The following CSMD3 variants were observed in gnomAD, a reference collection of about 807,000 sequenced individuals.
The protein encoded by CSMD3 is CUB and Sushi multiple domains 3.
In CSMD3, 177 loss-of-function variants were observed where a neutral mutation model predicts 435.2. That is an observed-to-expected ratio of 0.41 (90% CI 0.36 to 0.46). The LOEUF (loss-of-function observed/expected upper bound fraction) is 0.46. Ranked by LOEUF, CSMD3 falls within the 20% of genes least tolerant of loss-of-function variation. CSMD3 has a pLI of 0.34. For missense variants in CSMD3, 4,265 were observed against 4,504.6 expected (o/e 0.95, Z 1.52); for synonymous variants, 1,656 against 1,520.5 (o/e 1.09, Z -2.07).
At chr8:112,845,958 AG>A (rs2080305879) in intron 11 of CSMD3, among the ~76,000 whole-genome samples, 1 of 152,014 alleles carries the variant, frequency 6.6e-6, no homozygotes, top group African/African-American at 2.4e-5. Flanking sequence ...CTGGAAACGT[AG>A]GGGGAAATTC....
At chr8:113,057,451 C>T (rs1426112438) in intron 5 of CSMD3, among the ~76,000 whole-genome samples, 2 of 152,004 alleles carry the variant, frequency 1.3e-5, no homozygotes, top group African/African-American at 4.8e-5. Flanking sequence ...AAGAATGTAT[C>T]TCTATCAGGG....
At chr8:113,376,676 T>G in intron 1 of CSMD3, 2 of 1,597,890 alleles carry the variant, frequency 1.3e-6, no homozygotes, top group Non-Finnish European at 1.7e-6. Flanking sequence ...ATCATGGGAG[T>G]TGACACCCGC....
At chr8:112,235,813 C>A (rs1235395735) in intron 67 of CSMD3, among the ~76,000 whole-genome samples, 1 of 151,982 alleles carries the variant, frequency 6.6e-6, no homozygotes, top group African/African-American at 2.4e-5. Context: ...AAAATTGCTA[C>A]AATTGGTTTA....
chr8:113,319,461 C>A (rs915067016), intron 1 of CSMD3, among the ~76,000 whole-genome samples: 1 of 151,918 alleles, frequency 6.6e-6, no homozygotes, highest in Non-Finnish European at 1.5e-5. Context: ...GATATATTAA[C>A]CCCTTAACAA....
intron 38 of CSMD3, 76 bp downstream of exon 38, chr8:112,380,268 AATATGTAC>A (rs1269860820): frequency 6.6e-6 from 5 of 753,066 alleles, no homozygotes; most frequent in African/African-American, 3.5e-5. Flanking sequence ...AAGTTGCTAT[AATATGTAC>A]ATATCAACAA....
At chr8:112,847,419 A>G (rs1438638906) in intron 11 of CSMD3, among the ~76,000 whole-genome samples, 1 of 152,022 alleles carries the variant, frequency 6.6e-6, no homozygotes, top group African/African-American at 2.4e-5. Flanking sequence ...TTGAGTTGGG[A>G]TAAACTATCA....
At chr8:112,800,752 A>C (rs557396846) in intron 12 of CSMD3, among the ~76,000 whole-genome samples, 82 of 152,204 alleles carry the variant, frequency 5.4e-4, no homozygotes, top group African/African-American at 1.8e-3. Context: ...CACAAGCCTT[A>C]AAATATAGTA....
chr8:112,496,071 A>T (rs11992329), intron 30 of CSMD3, among the ~76,000 whole-genome samples: 2,632 of 151,998 alleles, frequency 0.017, 79 homozygotes, highest in African/African-American at 0.06. Context: ...TCCGGTTCAC[A>T]CCGTTCTCCT....
intron 32 of CSMD3, among the ~76,000 whole-genome samples, chr8:112,456,035 T>C (rs1462232585): frequency 9.6e-6 from 1 of 104,340 alleles, no homozygotes; most frequent in East Asian, 2.6e-4. Flanking sequence ...ACCACCTGAG[T>C]TCTACACTGG....
intron 15 of CSMD3, among the ~76,000 whole-genome samples, chr8:112,683,146 A>C (rs188157046): frequency 8.5e-4 from 130 of 152,098 alleles, no homozygotes; most frequent in African/African-American, 3.0e-3. Context: ...ATAATTTTCC[A>C]TGACATTTAT....
chr8:112,873,833 A>G (rs2081202960), intron 10 of CSMD3, among the ~76,000 whole-genome samples: 1 of 151,868 alleles, frequency 6.6e-6, no homozygotes, highest in African/African-American at 2.4e-5. Flanking sequence ...CTAGCAGACT[A>G]TTTTGTTAAT....
chr8:113,285,374 CT>C (rs11322874), intron 2 of CSMD3, among the ~76,000 whole-genome samples: 101,755 of 151,152 alleles, frequency 0.67, 36,181 homozygotes, highest in East Asian at 0.95. Context: ...ATTCTCCTGC[CT>C]TCAGCCTCCT....
At chr8:112,350,814 T>C (rs1357386628) in intron 40 of CSMD3, among the ~76,000 whole-genome samples, 1 of 152,092 alleles carries the variant, frequency 6.6e-6, no homozygotes, top group Non-Finnish European at 1.5e-5. Flanking sequence ...AGATTCTTTA[T>C]CTATTCCCGC....
chr8:112,282,234 G>A (rs1277659676), intron 58 of CSMD3, among the ~76,000 whole-genome samples: 2 of 150,692 alleles, frequency 1.3e-5, no homozygotes, highest in South Asian at 2.1e-4. Flanking sequence ...TAACTGCCGT[G>A]TGTGTGTGTG....
At chr8:113,422,225 C>T (rs138078007) in intron 1 of CSMD3, among the ~76,000 whole-genome samples, 44 of 152,218 alleles carry the variant, frequency 2.9e-4, no homozygotes, top group African/African-American at 9.1e-4. Context: ...AAATTCTACG[C>T]GTTTTTCCTC....
intron 5 of CSMD3, among the ~76,000 whole-genome samples, chr8:113,025,985 C>T (rs2086861806): frequency 6.6e-6 from 1 of 152,104 alleles, no homozygotes; most frequent in Non-Finnish European, 1.5e-5. Flanking sequence ...TAATAGGATG[C>T]ACTACAGCTA....
intron 61 of CSMD3, 25 bp from the exon 62 acceptor site, chr8:112,255,452 A>AT: frequency 6.2e-7 from 1 of 1,610,828 alleles, no homozygotes; most frequent in Non-Finnish European, 8.5e-7. Context: ...AAAGACGCTT[A>AT]TATCAAAGAT....
At chr8:113,233,775 T>A (rs2093117283) in intron 3 of CSMD3, among the ~76,000 whole-genome samples, 1 of 152,088 alleles carries the variant, frequency 6.6e-6, no homozygotes. Flanking sequence ...AGACAATGTA[T>A]ATTATAAGGC....
At chr8:112,767,173 T>C (rs1683388120) in intron 13 of CSMD3, among the ~76,000 whole-genome samples, 1 of 151,540 alleles carries the variant, frequency 6.6e-6, no homozygotes, top group Non-Finnish European at 1.5e-5. Context: ...ATGAAGACAA[T>C]AGAAAAGGAA....
Sources: allele counts gnomAD v4.1 joint callset (sites outside exome capture counted in the v4.1 genomes callset), GRCh38; gene constraint gnomAD v4.1.1; transcripts MANE v1.5; gene names NCBI Gene and HGNC (gene_info 2026-07-23, HGNC 2026-07-21).